PLCB1: variants seen among roughly 807,000 people sequenced by gnomAD.
PLCB1 encodes the protein phospholipase C beta 1.
Under a neutral mutation model 161.8 loss-of-function variants are expected in PLCB1, and 46 were observed. The observed-to-expected ratio is 0.28, with a 90% confidence interval of 0.22 to 0.36. The LOEUF (loss-of-function observed/expected upper bound fraction) is 0.36. Among genes scored for constraint, PLCB1 ranks in the 10% least tolerant of loss-of-function variants. The pLI is 1.00. For synonymous variants in PLCB1, 517 were observed against 503.7 expected (o/e 1.03, Z -0.35); for missense variants, 1,016 against 1,472.5 (o/e 0.69, Z 5.07).
chr20:8,783,468 A>G (rs1983335403), intron 27 of PLCB1, among the ~76,000 whole-genome samples: 1 of 152,238 alleles, frequency 6.6e-6, no homozygotes, highest in African/African-American at 2.4e-5. Flanking sequence ...TTCACATCTT[A>G]TGCAGTAAGA....
chr20:8,658,985 A>G (rs1317758922), intron 9 of PLCB1, among the ~76,000 whole-genome samples: 1 of 152,178 alleles, frequency 6.6e-6, no homozygotes, highest in Non-Finnish European at 1.5e-5. Context: ...GACTGAATGC[A>G]TATTTCATAC....
intron 9 of PLCB1, among the ~76,000 whole-genome samples, chr20:8,666,727 G>A (rs191180572): frequency 2.0e-5 from 3 of 152,284 alleles, no homozygotes; most frequent in South Asian, 2.1e-4. Context: ...GTTAGTGATC[G>A]ATGTCTATAG....
intron 1 of PLCB1, among the ~76,000 whole-genome samples, chr20:8,136,412 ACC>A: frequency 6.6e-6 from 1 of 152,218 alleles, no homozygotes; most frequent in Admixed American, 6.5e-5. Flanking sequence ...AGATCACAAG[ACC>A]AGGAGATCGA....
At chr20:8,841,449 T>C (rs1233161044) in intron 31 of PLCB1, among the ~76,000 whole-genome samples, 3 of 152,262 alleles carry the variant, frequency 2.0e-5, no homozygotes, top group Non-Finnish European at 4.4e-5. Context: ...CAGGCTAATT[T>C]GTTTACCATT....
chr20:8,432,035 G>C lies in PLCB1; in HGVS notation c.246+60585G>C, dbSNP rs143378756. 1.4e-3 allele frequency among the ~76,000 whole-genome samples: 219 copies of C among 152,194 alleles called. 6 individuals carry two copies. The East Asian group carries it at 0.031, about 21-fold the overall frequency. ...TGACCTCTTCTTTGTATGTGGTGGTGGGGGTGGGAGCTGGGAGGTCTCTCT... is the reference window on the plus strand; with the variant it reads ...TGACCTCTTCTTTGTATGTGGTGGTCGGGGTGGGAGCTGGGAGGTCTCTCT... On this transcript the variant is annotated intron_variant, in intron 3 of 31. Transcript: ENST00000338037.
rs752434070 is a variant in PLCB1, at chr20:8,276,926, T to TTTCTTCTTCTTC, written c.178-94405_178-94394dup. On this transcript the variant is annotated intron_variant, in intron 2 of 31. Coordinates refer to ENST00000338037, the MANE Select transcript of PLCB1 (RefSeq NM_015192.4). ...TTGGGTAGCTTCTTCGTCTTCTTCT[T>TTTCTTCTTCTTC]TTCTTCTTCTTCTTCTTCTTCTTCT... 3.7e-3 allele frequency among the ~76,000 whole-genome samples: 389 copies of TTTCTTCTTCTTC among 104,756 alleles called. 5 individuals are homozygous for TTTCTTCTTCTTC. Among genetic ancestry groups the TTTCTTCTTCTTC allele is most frequent in the Middle Eastern group, 0.015 (3 of 200 alleles). 68.7% of individuals were successfully genotyped at this position (104,756 alleles called of 152,430 possible).
intron 3 of PLCB1, among the ~76,000 whole-genome samples, chr20:8,569,357 G>C (rs1225261526): frequency 6.6e-6 from 1 of 152,122 alleles, no homozygotes; most frequent in Admixed American, 6.5e-5. Flanking sequence ...AAACTGTCTA[G>C]TAATCAGAAA....
At chr20:8,498,921 C>T (rs1348496643) in intron 3 of PLCB1, among the ~76,000 whole-genome samples, 1 of 152,150 alleles carries the variant, frequency 6.6e-6, no homozygotes, top group Non-Finnish European at 1.5e-5. Flanking sequence ...ATCCCAAGTA[C>T]AGCACGGGTC....
chr20:8,368,272 A>G lies in PLCB1; in HGVS notation c.178-3110A>G, dbSNP rs1007893806. Among the ~76,000 whole-genome samples the G allele has an allele frequency of 2.6e-5, 4 of 152,192 alleles. No individual in the cohort carries two copies. The South Asian group carries it at 8.3e-4, about 32-fold the overall frequency. ...GCCGGGCACGGTGGCTCATGCCTGCAATCCCAGCACTTTGGGAGCCCGAGG... is the reference window on the plus strand; with the variant it reads ...GCCGGGCACGGTGGCTCATGCCTGCGATCCCAGCACTTTGGGAGCCCGAGG... On this transcript the variant is annotated intron_variant, in intron 2 of 31. Transcript: ENST00000338037.
chr20:8,880,353 T>G (rs1053625244), intron 31 of PLCB1, among the ~76,000 whole-genome samples: 1 of 152,190 alleles, frequency 6.6e-6, no homozygotes, highest in Non-Finnish European at 1.5e-5. Context: ...CCAGCTTTTA[T>G]ATTATTTTAT....
intron 3 of PLCB1, among the ~76,000 whole-genome samples, chr20:8,418,512 C>A (rs1979396417): frequency 6.6e-6 from 1 of 152,110 alleles, no homozygotes; most frequent in Non-Finnish European, 1.5e-5. Flanking sequence ...AGTAAAATGG[C>A]AGTCCCTTAT....
intron 2 of PLCB1, among the ~76,000 whole-genome samples, chr20:8,302,939 A>G (rs1167043454): frequency 6.6e-6 from 1 of 152,194 alleles, no homozygotes; most frequent in Non-Finnish European, 1.5e-5. Context: ...AATAAGATTG[A>G]AGATGAAAAT....
intron 3 of PLCB1, among the ~76,000 whole-genome samples, chr20:8,432,295 T>C (rs2122581789): frequency 6.6e-6 from 1 of 152,298 alleles, no homozygotes; most frequent in African/African-American, 2.4e-5. Context: ...CTTCCCCCGC[T>C]GCAAACAGCA....
intron 2 of PLCB1, among the ~76,000 whole-genome samples, chr20:8,270,043 A>T (rs1184681901): frequency 6.6e-6 from 1 of 152,160 alleles, no homozygotes; most frequent in Non-Finnish European, 1.5e-5. Flanking sequence ...GTTTTGGGTT[A>T]GTCCAGGGTT....
chr20:8,200,065 A>T (rs1432607772), intron 2 of PLCB1, among the ~76,000 whole-genome samples: 2 of 152,090 alleles, frequency 1.3e-5, no homozygotes, highest in African/African-American at 4.8e-5. Flanking sequence ...ATATTTATTT[A>T]TTCCGGATAT....
chr20:8,747,046 AC>A (rs1170227067), intron 23 of PLCB1, among the ~76,000 whole-genome samples: 2 of 152,188 alleles, frequency 1.3e-5, no homozygotes, highest in African/African-American at 4.8e-5. Flanking sequence ...TTTTCTGGTA[AC>A]CTTTAGCAAG....
intron 3 of PLCB1, among the ~76,000 whole-genome samples, chr20:8,495,370 T>TTTGCC (rs1348128756): frequency 6.6e-6 from 1 of 150,408 alleles, no homozygotes; most frequent in African/African-American, 2.4e-5. Flanking sequence ...GTTTGTGGAC[T>TTTGCC]TTGCCTTACC....
intron 2 of PLCB1, among the ~76,000 whole-genome samples, chr20:8,261,301 G>A (rs1009750035): frequency 5.9e-5 from 9 of 152,158 alleles, no homozygotes; most frequent in East Asian, 1.9e-4. Context: ...TACACTTGCC[G>A]CGCTTAGAGA....
chr20:8,813,677 A>G (rs1265080010), intron 31 of PLCB1, among the ~76,000 whole-genome samples: 1 of 152,064 alleles, frequency 6.6e-6, no homozygotes, highest in Non-Finnish European at 1.5e-5. Flanking sequence ...AAAAATTTTA[A>G]AAAATTAGCT....
Sources: gnomAD v4.1 joint callset for allele counts (sites outside exome capture counted in the v4.1 genomes callset) on GRCh38, gnomAD v4.1.1 for gene constraint, MANE v1.5 for transcripts, NCBI Gene and HGNC (gene_info 2026-07-23, HGNC 2026-07-21) for gene names.